Variants in LIPE observed in about 807,000 individuals in gnomAD.
LIPE encodes lipase E, hormone sensitive type, also known as hormone-sensitive lipase.
LIPE carries 66 observed loss-of-function variants against 88.5 expected under a neutral mutation model. The ratio of observed to expected loss-of-function variants is 0.75; its 90% confidence interval spans 0.61 to 0.91. LIPE has a LOEUF of 0.91. Among genes scored for constraint, LIPE ranks in the 40% least tolerant of loss-of-function variants. LIPE has a pLI of 0.00. For synonymous variants in LIPE, 570 were observed against 617.5 expected, an observed-to-expected ratio of 0.92 and a Z score of 1.14; for missense variants, 1,346 against 1,434.7, an observed-to-expected ratio of 0.94 and a Z score of 1.00.
intron 1 of LIPE, among the ~76,000 whole-genome samples, chr19:42,412,056 C>T (rs777200289): frequency 2.0e-5 from 3 of 152,200 alleles, no homozygotes; most frequent in Admixed American, 6.5e-5. Flanking sequence ...TGGGGCTCCC[C>T]GCTAGGACTC....
At position 42,412,330 on chromosome 19, in the gene LIPE, G is replaced by A. The variant is rs557945421; in HGVS notation, c.884-1488C>T. The stretch of plus-strand genomic sequence containing the variant: ...CTTCTAGGTCCTGGGGCCTGGCAGC[G>A]GCCATTCCCGTCTCTCAGCTGGCTG... On this transcript the variant is annotated intron_variant, in intron 1 of 9. Transcript: ENST00000244289. The A allele has an allele frequency of 6.1e-6, 6 of 985,786 alleles. No homozygotes were observed. The African/African-American group carries it at 8.7e-5, about 14-fold the overall frequency. 61.1% of individuals were successfully genotyped at this position (985,786 alleles called of 1,614,324 possible).
intron 1 of LIPE, chr19:42,424,233 G>A (rs995099633): frequency 5.6e-6 from 4 of 716,186 alleles, no homozygotes; most frequent in Non-Finnish European, 6.4e-6. Flanking sequence ...AGAACGCTCG[G>A]CGCCTGCGCA....
intron 1 of LIPE, among the ~76,000 whole-genome samples, chr19:42,422,223 C>G (rs1338465536): frequency 6.6e-6 from 1 of 152,202 alleles, no homozygotes; most frequent in Non-Finnish European, 1.5e-5. Flanking sequence ...GCTCTACATT[C>G]ATTCTAACCT....
At chr19:42,404,698 C>T (rs1018115377) in intron 8 of LIPE, among the ~76,000 whole-genome samples, 7 of 152,144 alleles carry the variant, frequency 4.6e-5, no homozygotes, top group African/African-American at 1.7e-4. Flanking sequence ...AGGTGAGGTG[C>T]AAAACAATGT....
rs2040443855 is a variant in LIPE at position 42,414,245 on chromosome 19, G to A, written c.884-3403C>T. Among the ~76,000 whole-genome samples, 1 of 152,006 alleles carries A rather than the reference G, an allele frequency of 6.6e-6. No individual in the cohort carries two copies. The highest frequency in any genetic ancestry group is 6.6e-5 in the Admixed American group (1 of 15,252). On this transcript the variant is annotated intron_variant, in intron 1 of 9. Coordinates refer to ENST00000244289, the MANE Select transcript of LIPE (RefSeq NM_005357.4). The surrounding 1 kb of genome is among the most constrained non-coding windows in gnomAD (Gnocchi z 4.6). ...GCTGAGATCACGCCACTGTACTCCA[G>A]CCTGGCGATAAAGCGAGACTCTGTC...
At chr19:42,412,525 C>A in intron 1 of LIPE, 1 of 985,908 alleles carries the variant, frequency 1.0e-6, no homozygotes, top group Non-Finnish European at 1.2e-6. Flanking sequence ...GGACCACGTG[C>A]TGTAAACAGA....
chr19:42,407,458 T>A lies in LIPE; in HGVS notation c.1853A>T (p.Glu618Val). 1 of 1,611,482 alleles carries A rather than the reference T, an allele frequency of 6.2e-7. No homozygotes were observed. The highest frequency in any genetic ancestry group is 8.5e-7 in the Non-Finnish European group (1 of 1,178,274). The change falls in exon 6 of 10, where the codon GAG becomes GTG. Residue 618 changes from glutamate to valine, a missense_variant. Transcript: ENST00000244289. This position sits in a 1 kb window ranked among gnomAD's most constrained non-coding sequence, Gnocchi z 5.8. ...YDLREGQDSE[E>V]LSSLIKSNGQ... ...GTTGGACTTTATCAGGCTGCTGAGCTCCTCACTGTCCTGGGGGTGAGGAGG... is the reference window on the plus strand; with the variant it reads ...GTTGGACTTTATCAGGCTGCTGAGCACCTCACTGTCCTGGGGGTGAGGAGG...
chr19:42,424,641 C>A, intron 1 of LIPE: 1 of 456,350 alleles, frequency 2.2e-6, no homozygotes, highest in Non-Finnish European at 4.4e-6. Context: ...AGACTGGCCT[C>A]TGGGCGGAGG....
chr19:42,423,546 G>C, intron 1 of LIPE: 1 of 1,246,316 alleles, frequency 8.0e-7, no homozygotes, highest in Non-Finnish European at 1.0e-6. Context: ...TCAATTCCCC[G>C]CGGTCCTCCC....
chr19:42,413,698 G>A lies in LIPE; in HGVS notation c.884-2856C>T, dbSNP rs376783523. The stretch of plus-strand genomic sequence containing the variant: ...AACAAAAAAGATTAGGGCCTTGAAA[G>A]GGGCCTGTGTGACTGAGGGGCTCTG... On this transcript the variant is annotated intron_variant, in intron 1 of 9. Transcript: ENST00000244289. Among the ~76,000 whole-genome samples the A allele has an allele frequency of 5.3e-5, 8 of 152,308 alleles. No individual in the cohort carries two copies. In the East Asian group the frequency reaches 1.4e-3, roughly 26 times the overall value.
intron 1 of LIPE, chr19:42,423,514 T>A (rs988376890): frequency 1.6e-6 from 2 of 1,272,766 alleles, no homozygotes; most frequent in African/African-American, 3.1e-5. Flanking sequence ...CTCGGCGGGC[T>A]CCGTTCCCCC....
At position 42,408,111 on chromosome 19, in the gene LIPE, G is replaced by A; in HGVS notation, c.1521C>T (p.Ala507=). 6.2e-7 allele frequency: 1 copy of A among 1,613,880 alleles called. No individual in the cohort carries two copies. The highest frequency in any genetic ancestry group is 8.5e-7 in the Non-Finnish European group (1 of 1,179,932). The part of the protein sequence containing the change: ...KRNETGLSVA[A]SSLFTSGRFA... The stretch of plus-strand genomic sequence containing the variant: ...AGCGGCCGCTGGTGAAGAGAGAGCT[G>A]GCGGCCACACCTAGGGGTCAGAAGG... Residue 507 remains alanine, a synonymous_variant, in exon 4 of 10, where the codon GCC becomes GCT. Transcript: ENST00000244289. This position sits in a 1 kb window ranked among gnomAD's most constrained non-coding sequence, Gnocchi z 4.3.
chr19:42,422,863 T>C, intron 1 of LIPE: 1 of 154,764 alleles, frequency 6.5e-6, no homozygotes, highest in Non-Finnish European at 1.4e-5. Context: ...TGAAGCGGGT[T>C]GACTGACAAT....
At chr19:42,405,938 G>A (rs1422210466) in intron 7 of LIPE, 9 of 580,160 alleles carry the variant, frequency 1.6e-5, no homozygotes, top group Admixed American at 3.0e-5. Context: ...CAGCCTGAGC[G>A]ACATGACACC....
Position 42,402,067 on chromosome 19 carries a change from C to A in LIPE, c.2976G>T (p.Ala992=). Residue 992 remains alanine (A), a synonymous_variant, in exon 10 of 10, where the codon GCG becomes GCT. Coordinates refer to ENST00000244289, the MANE Select transcript of LIPE (RefSeq NM_005357.4). ...CCGAGTCGTCCAGCATGGGGTCCAG[C>A]GCGCACGCCTACGGGACAGCGGGGA... ...SLPPVHIVAC[A]LDPMLDDSVM... The A allele has an allele frequency of 6.7e-7, 1 of 1,489,714 alleles. No individual in the cohort carries two copies. The highest frequency in any genetic ancestry group is 1.3e-5 in the South Asian group (1 of 75,294). 92.3% of individuals were successfully genotyped at this position (1,489,714 alleles called of 1,614,324 possible).
intron 9 of LIPE, 66 bp from the exon 10 acceptor site, chr19:42,402,141 C>A (rs2039997700): frequency 1.5e-6 from 2 of 1,378,714 alleles, no homozygotes; most frequent in South Asian, 1.6e-5. Flanking sequence ...TCGGGTAGAG[C>A]GAGGAGGGGT....
In LIPE at chr19:42,406,322, G is replaced by A; in HGVS notation, c.2204C>T (p.Ala735Val). 1 of 1,614,180 alleles carries A rather than the reference G, an allele frequency of 6.2e-7. No homozygotes were observed. Among genetic ancestry groups the A allele is most frequent in the Non-Finnish European group, 8.5e-7 (1 of 1,180,024 alleles). The change falls in exon 7 of 10, where the codon GCT becomes GTT. Residue 735 changes from alanine to valine, a missense_variant. Transcript: ENST00000244289. The surrounding 1 kb of genome is among the most constrained non-coding windows in gnomAD (Gnocchi z 5.7). The stretch of plus-strand genomic sequence containing the variant: ...CACCCCGTAGGCTGCTGCCCGAAGA[G>A]CCACGGTGAAGCAGAGGTTCCCGCC... ...SAGGNLCFTV[A>V]LRAAAYGVRV...
Position 42,401,846 on chromosome 19 carries a change from G to A in LIPE, c.3197C>T (p.Ala1066Val). The change falls in exon 10 of 10, where the codon GCG (alanine) becomes GTG (valine). Residue 1066 changes from alanine to valine, a missense_variant. Physicochemically the swap from Ala to Val is moderately conservative, Grantham distance 64 (BLOSUM62 0). Coordinates refer to ENST00000244289, the MANE Select transcript of LIPE (RefSeq NM_005357.4). ...CCCCCCGCAGCCCCCGTCTACCCCC[G>A]CAGCCCCCGTCTCCCCGCTCGGCCC... ...GAGPSGETGA[A>V]GVDGGCGGRH is the part of the protein sequence containing the mutation. 9.7e-6 allele frequency: 3 copies of A among 310,362 alleles called. No individual in the cohort carries two copies. Among genetic ancestry groups the A allele is most frequent in the Non-Finnish European group, 5.8e-6 (1 of 171,030 alleles). The allele number at this position is 310,362 out of a possible 1,614,324, so 19.2% of individuals were successfully genotyped here.
chr19:42,407,882 T>G lies in LIPE; in HGVS notation c.1657-91A>C. 6.4e-6 allele frequency: 10 copies of G among 1,561,698 alleles called. No individual in the cohort carries two copies. The highest frequency in any genetic ancestry group is 7.8e-6 in the Non-Finnish European group (9 of 1,154,840). On this transcript the variant is annotated intron_variant, in intron 4 of 9. Transcript: ENST00000244289. This position sits in a 1 kb window ranked among gnomAD's most constrained non-coding sequence, Gnocchi z 5.8. ...CTCTGATCCCCAGTCTTTCCCCTTGTGTGCCATCCCTGGGCCTGGAGCCCC... is the reference window on the plus strand; with the variant it reads ...CTCTGATCCCCAGTCTTTCCCCTTGGGTGCCATCCCTGGGCCTGGAGCCCC...
Sources: gnomAD v4.1 joint callset for allele counts (sites outside exome capture counted in the v4.1 genomes callset) on GRCh38, gnomAD v4.1.1 for gene constraint, Gnocchi (gnomAD v3.1) non-coding constraint, MANE v1.5 for transcripts, NCBI Gene and HGNC (gene_info 2026-07-23, HGNC 2026-07-21) for gene names.